The following TAF11 variants were observed in gnomAD, a reference collection of about 807,000 sequenced individuals.
TAF11 encodes TATA-box binding protein associated factor 11.
A neutral mutation model predicts 23.0 loss-of-function variants in TAF11; 10 were observed. The observed-to-expected ratio is 0.43, with a 90% CI of 0.27 to 0.74. The LOEUF (loss-of-function observed/expected upper bound fraction) is 0.74, where lower values mean the gene tolerates loss of function less well. TAF11 is among the 30% of genes least tolerant of loss of function. TAF11 has a pLI of 0.19. For missense variants in TAF11, 196 were observed against 261.7 expected (o/e 0.75, Z 1.73); for synonymous variants, 85 against 95.8 (o/e 0.89, Z 0.66).
chr6:34,879,342 C>T (rs904080485), intron 4 of TAF11: 1 of 953,876 alleles, frequency 1.0e-6, no homozygotes, highest in Non-Finnish European at 1.2e-6. Flanking sequence ...ATGATCACAC[C>T]ACTGTTACCA....
At chr6:34,879,895 C>T (rs1766388475) in intron 4 of TAF11, 72 bp downstream of exon 4, 1 of 1,553,670 alleles carries the variant, frequency 6.4e-7, no homozygotes, top group Non-Finnish European at 8.7e-7. Context: ...TTAATAAGCT[C>T]CTTTGTGTAG....
chr6:34,883,125 C>T (rs1766473009), intron 1 of TAF11, 45 bp from the exon 2 acceptor site: 1 of 1,571,354 alleles, frequency 6.4e-7, no homozygotes, highest in Admixed American at 2.0e-5. Flanking sequence ...GCCTACTTTC[C>T]AGGCTTGGGC....
intron 2 of TAF11, among the ~76,000 whole-genome samples, chr6:34,881,552 T>A (rs11963453): frequency 1.7e-4 from 26 of 152,248 alleles, no homozygotes; most frequent in African/African-American, 6.0e-4. Flanking sequence ...TGGAAAACAT[T>A]CACCATATCT....
intron 1 of TAF11, among the ~76,000 whole-genome samples, chr6:34,884,858 A>G (rs1436893257): frequency 6.6e-6 from 1 of 152,186 alleles, no homozygotes; most frequent in Non-Finnish European, 1.5e-5. Context: ...CCTTTAAAAA[A>G]TCACCTATTT....
intron 1 of TAF11, among the ~76,000 whole-genome samples, chr6:34,886,403 A>AAACAAAC (rs1766525803): frequency 1.6e-5 from 1 of 64,112 alleles, no homozygotes; most frequent in Admixed American, 1.4e-4. Flanking sequence ...AAAAAACAAA[A>AAACAAAC]AACAAACAAA....
chr6:34,880,525 C>T lies in TAF11; in HGVS notation c.321-149G>A, dbSNP rs1412649571. ...GGTGCCTTGAGGAATGAAGATAAAA[C>T]ACTTCTACTCCAAAGGAATTTGAGA... On this transcript the variant is annotated intron_variant, in intron 2 of 4. Transcript: ENST00000361288. The surrounding 1 kb of genome is among the most constrained non-coding windows in gnomAD (Gnocchi z 4.8). 8 of 658,998 alleles carry T rather than the reference C, an allele frequency of 1.2e-5. No individual in the cohort carries two copies. The highest frequency in any genetic ancestry group is 1.5e-5 in the Non-Finnish European group (6 of 392,702). The allele number at this position is 658,998 out of a possible 1,614,324, so 40.8% of individuals were successfully genotyped here.
intron 1 of TAF11, among the ~76,000 whole-genome samples, chr6:34,886,940 G>A (rs1381987868): frequency 1.3e-5 from 2 of 152,030 alleles, no homozygotes; most frequent in Non-Finnish European, 2.9e-5. Context: ...TGAGTTTCTG[G>A]TCCTGACCGA....
At chr6:34,885,316 TTAAA>T (rs1766509123) in intron 1 of TAF11, among the ~76,000 whole-genome samples, 1 of 129,888 alleles carries the variant, frequency 7.7e-6, no homozygotes, top group African/African-American at 2.6e-5. Flanking sequence ...ATATTTTTCT[TTAAA>T]TAAAGCTTTG....
Position 34,878,541 on chromosome 6 carries a change from G to A in TAF11, c.*49C>T. On this transcript the variant is annotated 3_prime_UTR_variant, in exon 5 of 5. Transcript: ENST00000361288. ...ATGCAGACAGTCTTATAGGAAGTCT[G>A]GAACCAATACTTCTTCCGTCAGTAA... 2 of 1,028,992 alleles carry A rather than the reference G, an allele frequency of 1.9e-6. No homozygotes were observed. The highest frequency in any genetic ancestry group is 3.1e-6 in the Non-Finnish European group (2 of 646,746). The allele number at this position is 1,028,992 out of a possible 1,614,324, so 63.7% of individuals were successfully genotyped here.
At chr6:34,879,596 C>G (rs903840410) in intron 4 of TAF11, 1 of 984,938 alleles carries the variant, frequency 1.0e-6, no homozygotes, top group African/African-American at 1.7e-5. Context: ...CAGGCAGTTC[C>G]TAGGGATCAC....
At position 34,880,417 on chromosome 6, in the gene TAF11, G is replaced by A. The variant is rs1262559526; in HGVS notation, c.321-41C>T. ...GGTAACTAAGTTAACTTATAAGAACGAATACTCAAGATATTATGAAGTCAA... is the reference window on the plus strand; with the variant it reads ...GGTAACTAAGTTAACTTATAAGAACAAATACTCAAGATATTATGAAGTCAA... On this transcript the variant is annotated intron_variant, in intron 2 of 4. Transcript: ENST00000361288. The surrounding 1 kb of genome is among the most constrained non-coding windows in gnomAD (Gnocchi z 4.8). 16 of 1,562,728 alleles carry A rather than the reference G, an allele frequency of 1.0e-5. No individual in the cohort carries two copies. The highest frequency in any genetic ancestry group is 4.5e-5 in the East Asian group (2 of 44,628).
intron 1 of TAF11, among the ~76,000 whole-genome samples, chr6:34,884,586 C>T (rs1389613525): frequency 6.6e-6 from 1 of 152,178 alleles, no homozygotes; most frequent in African/African-American, 2.4e-5. Flanking sequence ...TACCCCTGAA[C>T]TTAAAAAACT....
In TAF11 at chr6:34,883,048, T is replaced by C. The variant is rs372569871; in HGVS notation, c.204A>G (p.Thr68=). The C allele has an allele frequency of 6.2e-7, 1 of 1,610,756 alleles. No individual in the cohort carries two copies. The highest frequency in any genetic ancestry group is 1.7e-5 in the Admixed American group (1 of 59,466). ...LESQDVSDLT[T]VEREDSSLLN... Reference sequence around the variant, plus strand: ...GTAATGATGAGTCTTCCCTTTCAACTGTTGTTAAATCTGAGACATCCTGAC... The same window carrying C: ...GTAATGATGAGTCTTCCCTTTCAACCGTTGTTAAATCTGAGACATCCTGAC... Residue 68 remains threonine, a synonymous_variant, in exon 2 of 5, where the codon ACA becomes ACG. Transcript: ENST00000361288.
At position 34,888,032 on chromosome 6, in the gene TAF11, G is replaced by A; in HGVS notation, c.-75C>T. 6.3e-7 allele frequency: 1 copy of A among 1,579,824 alleles called. No homozygotes were observed. Among genetic ancestry groups the A allele is most frequent in the Non-Finnish European group, 8.6e-7 (1 of 1,164,498 alleles). ...AAGCTCGGAAACCCGAGCTGCACAG[G>A]CCAGGATCTTACTTCCTGTCGTCGC... On this transcript the variant is annotated 5_prime_UTR_variant, in exon 1 of 5. Transcript: ENST00000361288.
At chr6:34,879,937 A>C (rs769272326) in intron 4 of TAF11, 30 bp downstream of exon 4, 2 of 1,603,358 alleles carry the variant, frequency 1.2e-6, no homozygotes, top group South Asian at 2.2e-5. Context: ...CCACAGGTAC[A>C]ATCCAGTATT....
At chr6:34,879,859 T>G in intron 4 of TAF11, 108 bp downstream of exon 4, 1 of 1,474,782 alleles carries the variant, frequency 6.8e-7, no homozygotes, top group Non-Finnish European at 9.0e-7. Flanking sequence ...CAACTTCAAG[T>G]GCAAATGAGA....
chr6:34,887,779 C>A lies in TAF11; in HGVS notation c.171+8G>T, dbSNP rs201274551. The A allele has an allele frequency of 1.4e-4, 224 of 1,614,190 alleles. 1 individual carries two copies. The African/African-American group carries it at 2.7e-3, about 20-fold the overall frequency. The stretch of plus-strand genomic sequence containing the variant: ...TTCCTTCAGCCTCATCAGTACATCT[C>A]TTCCTACCTCGCCTTCCTCCGCTGC... On this transcript the variant is annotated splice_region_variant and intron_variant, in intron 1 of 4. Coordinates refer to ENST00000361288, the MANE Select transcript of TAF11 (RefSeq NM_005643.4).
intron 1 of TAF11, among the ~76,000 whole-genome samples, chr6:34,884,463 GA>G (rs1310580343): frequency 6.6e-6 from 1 of 152,090 alleles, no homozygotes; most frequent in Non-Finnish European, 1.5e-5. Context: ...AAAGGATCAG[GA>G]AAAATAACTA....
At chr6:34,882,859 C>T in intron 2 of TAF11, 73 bp downstream of exon 2, 1 of 1,485,116 alleles carries the variant, frequency 6.7e-7, no homozygotes, top group Non-Finnish European at 8.9e-7. Flanking sequence ...AATTTAAACA[C>T]CAAGAAAAAT....
Sources: allele counts gnomAD v4.1 joint callset (sites outside exome capture counted in the v4.1 genomes callset), GRCh38; gene constraint gnomAD v4.1.1; non-coding constraint Gnocchi (gnomAD v3.1); transcripts MANE v1.5; gene names NCBI Gene and HGNC (gene_info 2026-07-23, HGNC 2026-07-21).